The following DNAAF8 variants were observed in gnomAD, a reference collection of about 807,000 sequenced individuals.
The protein encoded by DNAAF8 is dynein axonemal-associated protein 1.
DNAAF8 carries 61 observed loss-of-function variants against 54.6 expected under a neutral mutation model. The observed-to-expected ratio is 1.12, with a 90% confidence interval of 0.91 to 1.38. The LOEUF is 1.38. Ranked by LOEUF, DNAAF8 falls within the 40% of genes most tolerant of loss-of-function variation. The probability of loss-of-function intolerance (pLI) is 0.00; values close to 1 mark genes in which losing one functional copy is unlikely to be tolerated. For missense variants in DNAAF8, 837 were observed against 665.0 expected, an observed-to-expected ratio of 1.26 and a Z score of -2.85; for synonymous variants, 320 against 270.1, an observed-to-expected ratio of 1.18 and a Z score of -1.81.
intron 3 of DNAAF8, among the ~76,000 whole-genome samples, chr16:4,739,695 C>G (rs987356102): frequency 6.6e-6 from 1 of 151,446 alleles, no homozygotes; most frequent in Non-Finnish European, 1.5e-5. Context: ...ATTACACGCA[C>G]GCCACTGTGC....
intron 6 of DNAAF8, 149 bp from the exon 7 acceptor site, chr16:4,746,225 TA>T: frequency 1.2e-6 from 1 of 837,384 alleles, no homozygotes; most frequent in Non-Finnish European, 1.8e-6. Context: ...TTCTGAAGAG[TA>T]AAAGAGCAAA....
At chr16:4,746,554 CAG>C (rs775142527) in intron 7 of DNAAF8, 42 bp downstream of exon 7, 23 of 1,588,622 alleles carry the variant, frequency 1.4e-5, no homozygotes, top group Admixed American at 7.1e-5. Context: ...CTCTACTTTG[CAG>C]AGTTGCCTGT....
rs2082050708 is a variant in DNAAF8 at position 4,748,826 on chromosome 16, T to G, written c.*111T>G. The stretch of plus-strand genomic sequence containing the variant: ...AGGCAGCACAGTAGGGCGCCGGGCC[T>G]TTGGGACAGTGTCCCAGCTTCCCCT... On this transcript the variant is annotated 3_prime_UTR_variant, in exon 10 of 10. Coordinates refer to ENST00000299320, the MANE Select transcript of DNAAF8 (RefSeq NM_139170.3). 1 of 152,338 alleles carries G rather than the reference T, an allele frequency of 6.6e-6. No homozygotes were observed. The highest frequency in any genetic ancestry group is 2.4e-5 in the African/African-American group (1 of 41,464). 9.4% of individuals were successfully genotyped at this position (152,338 alleles called of 1,614,324 possible).
At position 4,744,923 on chromosome 16, in the gene DNAAF8, T is replaced by C; in HGVS notation, c.955T>C (p.Cys319Arg). Residue 319 changes from cysteine to arginine, a missense_variant, in exon 6 of 10, where the codon TGC becomes CGC. By Grantham distance (180) the Cys-to-Arg change is radical (BLOSUM62 -3). Coordinates refer to ENST00000299320, the MANE Select transcript of DNAAF8 (RefSeq NM_139170.3). ...GCTCATGGAACAGCTGGCCCTCCTG[T>C]GCACCACGCAGTCCAAGGCCTCTGC... ...NRLMEQLALLCTTQSKASACA... is the reference protein window; with the variant it reads ...NRLMEQLALLRTTQSKASACA... 3 of 1,613,918 alleles carry C rather than the reference T, an allele frequency of 1.9e-6. No individual in the cohort carries two copies. In the East Asian group the frequency reaches 6.7e-5, roughly 36 times the overall value.
chr16:4,747,723 T>A, intron 9 of DNAAF8, 89 bp downstream of exon 9: 1 of 1,394,744 alleles, frequency 7.2e-7, no homozygotes, highest in Non-Finnish European at 9.6e-7. Flanking sequence ...GCATTTCCAC[T>A]AGCAGGGGCA....
Position 4,744,390 on chromosome 16 carries a change from CAGG to C in DNAAF8, c.902-474_902-472del, listed in dbSNP as rs548011045. ...TGAAAAGCTGGAAACAACCCATATT[CAGG>C]AGGAGTCCAGCTAGATCGTTTTAGC... On this transcript the variant is annotated intron_variant, in intron 5 of 9. Transcript: ENST00000299320. Among the ~76,000 whole-genome samples the C allele has an allele frequency of 1.8e-4, 27 of 152,210 alleles. No individual in the cohort carries two copies. The East Asian group carries it at 3.5e-3, about 20-fold the overall frequency.
chr16:4,741,238 A>AG (rs1320989003), intron 4 of DNAAF8, among the ~76,000 whole-genome samples: 14 of 134,120 alleles, frequency 1.0e-4, no homozygotes, highest in African/African-American at 3.7e-4. Context: ...CATCTCAAAA[A>AG]AAAAAAAAAA....
intron 1 of DNAAF8, chr16:4,734,914 GGGCTGT>G (rs1222854651): frequency 6.6e-6 from 1 of 152,170 alleles, no homozygotes; most frequent in Non-Finnish European, 1.5e-5. Flanking sequence ...AACCGGGGCG[GGGCTGT>G]GGCGGGGCTA....
At chr16:4,736,744 G>A (rs1028971705) in intron 2 of DNAAF8, 101 bp downstream of exon 2, 1 of 1,231,360 alleles carries the variant, frequency 8.1e-7, no homozygotes, top group African/African-American at 1.5e-5. Context: ...GACTTTTCCT[G>A]CTGACCTGTG....
intron 2 of DNAAF8, among the ~76,000 whole-genome samples, chr16:4,737,245 C>G (rs1359378228): frequency 1.3e-5 from 2 of 152,150 alleles, no homozygotes; most frequent in Non-Finnish European, 2.9e-5. Context: ...TGGGTCCTAC[C>G]TGGGCACCAG....
rs141618131 is a variant in DNAAF8 at position 4,746,779 on chromosome 16, C to T, written c.1182-148C>T. 1.1e-3 allele frequency: 870 copies of T among 809,772 alleles called. 4 individuals are homozygous for T. In the African/African-American group the frequency reaches 0.014, roughly 13 times the overall value. 50.2% of individuals were successfully genotyped at this position (809,772 alleles called of 1,614,324 possible). On this transcript the variant is annotated intron_variant, in intron 7 of 9. Coordinates refer to ENST00000299320, the MANE Select transcript of DNAAF8 (RefSeq NM_139170.3). ...AGGGCATCACCCACACCTGTCCTCA[C>T]CTCCTGGCAGGACGTCCACCGGCCT...
chr16:4,736,695 A>C, intron 2 of DNAAF8, 52 bp downstream of exon 2: 1 of 1,472,550 alleles, frequency 6.8e-7, no homozygotes, highest in South Asian at 1.3e-5. Flanking sequence ...CAGAGCAGGC[A>C]TGACGCTGGC....
rs2081942736 is a variant in DNAAF8 at position 4,740,057 on chromosome 16, T to TC, written c.277-95dup. On this transcript the variant is annotated intron_variant, in intron 3 of 9. Coordinates refer to ENST00000299320, the MANE Select transcript of DNAAF8 (RefSeq NM_139170.3). ...CTGGGCAACAAAGCGAGACTTCACCTCAAAAAAAAAAAAAAAGTACATATT... is the reference window on the plus strand; with the variant it reads ...CTGGGCAACAAAGCGAGACTTCACCTCCAAAAAAAAAAAAAAAGTACATATT... 4.4e-6 allele frequency: 4 copies of TC among 902,274 alleles called. No individual in the cohort carries two copies. The South Asian group carries it at 6.7e-5, about 15-fold the overall frequency. The allele number at this position is 902,274 out of a possible 1,614,324, so 55.9% of individuals were successfully genotyped here.
rs2081974265 is a variant in DNAAF8, at chr16:4,743,127, G to A, written c.868G>A (p.Val290Met). The A allele has an allele frequency of 6.2e-7, 1 of 1,610,838 alleles. No homozygotes were observed. Among genetic ancestry groups the A allele is most frequent in the Non-Finnish European group, 8.5e-7 (1 of 1,178,554 alleles). Residue 290 changes from valine (V) to methionine (M), a missense_variant, in exon 5 of 10, where the codon GTG becomes ATG. Transcript: ENST00000299320. The part of the protein sequence containing the change: ...DNQGNRAPGT[V>M]WWAADHRQVQ... ...CCAGGGAAATCGTGCACCTGGAACT[G>A]TGTGGTGGGCAGCTGACCACCGCCA...
At chr16:4,739,902 A>T (rs555019596) in intron 3 of DNAAF8, among the ~76,000 whole-genome samples, 166 of 151,474 alleles carry the variant, frequency 1.1e-3, no homozygotes, top group Non-Finnish European at 1.7e-3. Context: ...AAATAATATT[A>T]AAAAAAATTA....
chr16:4,747,693 G>A (rs897869140), intron 9 of DNAAF8, 59 bp downstream of exon 9: 22 of 1,496,850 alleles, frequency 1.5e-5, no homozygotes, highest in East Asian at 7.2e-5. Flanking sequence ...CCTGGGCCCC[G>A]GTGTCCCCTT....
chr16:4,746,800 G>A lies in DNAAF8; in HGVS notation c.1182-127G>A, dbSNP rs930265372. The A allele has an allele frequency of 3.9e-5, 35 of 902,336 alleles. 1 individual carries two copies. In the East Asian group the frequency reaches 7.3e-4, roughly 19 times the overall value. 55.9% of individuals were successfully genotyped at this position (902,336 alleles called of 1,614,324 possible). A position where few individuals can be genotyped will look rare whatever the true frequency, so the allele number is the denominator to read the frequency against. ...CTCACCTCCTGGCAGGACGTCCACC[G>A]GCCTCCAGTGTGGCTGCTGACCTCT... On this transcript the variant is annotated intron_variant, in intron 7 of 9. Coordinates refer to ENST00000299320, the MANE Select transcript of DNAAF8 (RefSeq NM_139170.3).
rs1285978312 is a variant in DNAAF8, at chr16:4,744,859, GCCATC to G, written c.902-9_902-5del. Reference sequence around the variant, plus strand: ...TCCCCACTAATCAGCCTCTCCTTTGGCCATCCTCAGACCGCATGGTGCCGAGCGCC... The same window carrying G: ...TCCCCACTAATCAGCCTCTCCTTTGGCTCAGACCGCATGGTGCCGAGCGCC... On this transcript the variant is annotated splice_region_variant and splice_polypyrimidine_tract_variant and intron_variant, in intron 5 of 9. Coordinates refer to ENST00000299320, the MANE Select transcript of DNAAF8 (RefSeq NM_139170.3). The G allele has an allele frequency of 1.9e-6, 3 of 1,609,100 alleles. No individual in the cohort carries two copies. In the East Asian group the frequency reaches 6.7e-5, roughly 36 times the overall value.
At chr16:4,737,672 T>A in intron 2 of DNAAF8, 128 bp from the exon 3 acceptor site, 1 of 1,207,098 alleles carries the variant, frequency 8.3e-7, no homozygotes, top group Non-Finnish European at 1.2e-6. Context: ...GCAGCAGGGC[T>A]GGACGGGCTG....
Sources: gnomAD v4.1 joint callset for allele counts (sites outside exome capture counted in the v4.1 genomes callset) on GRCh38, gnomAD v4.1.1 for gene constraint, MANE v1.5 for transcripts, NCBI Gene and HGNC (gene_info 2026-07-23, HGNC 2026-07-21) for gene names.